Variants in CWF19L2 observed in about 807,000 individuals in gnomAD.
CWF19L2 encodes the protein CWF19-like protein 2.
In CWF19L2, 98 loss-of-function variants were observed where a neutral mutation model predicts 111.7. The ratio of observed to expected loss-of-function variants is 0.88; its 90% CI spans 0.75 to 1.04. The LOEUF is 1.04. CWF19L2 is among the 50% of genes least tolerant of loss of function. The pLI is 0.00. For missense variants in CWF19L2, 1,101 were observed against 1,051.4 expected, an observed-to-expected ratio of 1.05 and a Z score of -0.65; for synonymous variants, 351 against 342.9, an observed-to-expected ratio of 1.02 and a Z score of -0.26.
chr11:107,360,048 AT>A (rs1158947501), intron 12 of CWF19L2, among the ~76,000 whole-genome samples: 1 of 152,212 alleles, frequency 6.6e-6, no homozygotes, highest in East Asian at 1.9e-4. Context: ...CATTTAAAGT[AT>A]TCATCACTCA....
Position 107,416,308 on chromosome 11 carries a change from GA to G in CWF19L2, c.1528-11del. ...GTTGTTCAGCTAATTCCTTCAAAAA[GA>G]AAAACAAGTAAAATATGTGCGATAT... On this transcript the variant is annotated splice_polypyrimidine_tract_variant and intron_variant, in intron 9 of 17. Coordinates refer to ENST00000282251, the MANE Select transcript of CWF19L2 (RefSeq NM_152434.3). 1 of 1,268,448 alleles carries G rather than the reference GA, an allele frequency of 7.9e-7. No individual in the cohort carries two copies. The highest frequency in any genetic ancestry group is 1.1e-6 in the Non-Finnish European group (1 of 929,414). 78.6% of individuals were successfully genotyped at this position (1,268,448 alleles called of 1,614,324 possible). A position where few individuals can be genotyped will look rare whatever the true frequency, so the allele number is the denominator to read the frequency against.
intron 8 of CWF19L2, among the ~76,000 whole-genome samples, chr11:107,420,220 TA>T (rs1861284667): frequency 6.6e-6 from 1 of 151,992 alleles, no homozygotes; most frequent in Non-Finnish European, 1.5e-5. Flanking sequence ...ATACCTAAAT[TA>T]AAAGGCAGAA....
At chr11:107,333,046 A>T (rs943770672) in intron 16 of CWF19L2, among the ~76,000 whole-genome samples, 1 of 150,702 alleles carries the variant, frequency 6.6e-6, no homozygotes, top group African/African-American at 2.4e-5. Context: ...TGAACCTGGG[A>T]GGTGGAGTGA....
At chr11:107,341,074 G>C (rs1859998798) in intron 14 of CWF19L2, among the ~76,000 whole-genome samples, 1 of 152,142 alleles carries the variant, frequency 6.6e-6, no homozygotes, top group African/African-American at 2.4e-5. Context: ...ACAAAGCAAT[G>C]GTCTGCCCTG....
intron 8 of CWF19L2, among the ~76,000 whole-genome samples, chr11:107,427,144 A>G (rs986894154): frequency 1.3e-5 from 2 of 152,040 alleles, no homozygotes; most frequent in South Asian, 4.1e-4. Flanking sequence ...TTATAAGACA[A>G]AGATTATTTG....
chr11:107,361,271 T>C (rs1371558908), intron 12 of CWF19L2, among the ~76,000 whole-genome samples: 1 of 152,222 alleles, frequency 6.6e-6, no homozygotes, highest in Non-Finnish European at 1.5e-5. Context: ...TGTAAATATG[T>C]GGCTTTATTT....
chr11:107,451,992 G>A (rs1565291140), intron 3 of CWF19L2, among the ~76,000 whole-genome samples: 1 of 152,082 alleles, frequency 6.6e-6, no homozygotes, highest in Non-Finnish European at 1.5e-5. Context: ...GTAAAAACCT[G>A]AATGCTTTGC....
chr11:107,371,167 C>T, intron 12 of CWF19L2, among the ~76,000 whole-genome samples: 1 of 134,784 alleles, frequency 7.4e-6, no homozygotes, highest in South Asian at 2.6e-4. Context: ...ACCATGCCGG[C>T]TAATTTTTTG....
In CWF19L2 at chr11:107,361,657, G is replaced by T. The variant is rs561534154; in HGVS notation, c.1873-7921C>A. Among the ~76,000 whole-genome samples, 3 of 152,216 alleles carry T rather than the reference G, an allele frequency of 2.0e-5. No homozygotes were observed. The East Asian group carries it at 5.8e-4, about 29-fold the overall frequency. ...GTGTCATCTACGATTTCTTTCACAG[G>T]TGCTTTATACTTTTCCCTGTAGAGA... On this transcript the variant is annotated intron_variant, in intron 12 of 17. Transcript: ENST00000282251.
At chr11:107,348,354 C>A (rs1860110931) in intron 14 of CWF19L2, among the ~76,000 whole-genome samples, 1 of 152,056 alleles carries the variant, frequency 6.6e-6, no homozygotes, top group Admixed American at 6.6e-5. Context: ...TGAAATAATT[C>A]AGCAACAATT....
intron 15 of CWF19L2, among the ~76,000 whole-genome samples, chr11:107,336,300 C>A (rs1432398709): frequency 6.6e-6 from 1 of 152,034 alleles, no homozygotes; most frequent in African/African-American, 2.4e-5. Context: ...GTGCCCACCA[C>A]CATGCCCAGT....
At chr11:107,383,225 A>C (rs553783845) in intron 12 of CWF19L2, among the ~76,000 whole-genome samples, 9 of 152,186 alleles carry the variant, frequency 5.9e-5, no homozygotes, top group Non-Finnish European at 1.3e-4. Flanking sequence ...CTGGAAGCCC[A>C]GACTTGTGAC....
chr11:107,441,320 C>G (rs1172776050), intron 5 of CWF19L2, among the ~76,000 whole-genome samples, 183 bp downstream of exon 5: 3 of 152,080 alleles, frequency 2.0e-5, no homozygotes, highest in African/African-American at 7.2e-5. Flanking sequence ...AACCTTTAAA[C>G]TCACTTCCTA....
intron 12 of CWF19L2, among the ~76,000 whole-genome samples, chr11:107,363,137 G>C (rs992455947): frequency 3.3e-5 from 5 of 152,096 alleles, no homozygotes; most frequent in Non-Finnish European, 7.4e-5. Flanking sequence ...AGAATAAAAA[G>C]AAATGAGCAA....
At chr11:107,445,945 T>C (rs1346393158) in intron 3 of CWF19L2, among the ~76,000 whole-genome samples, 1 of 152,166 alleles carries the variant, frequency 6.6e-6, no homozygotes, top group East Asian at 1.9e-4. Context: ...TGGGACTTTC[T>C]GGAAGTCAAG....
In CWF19L2 at chr11:107,370,899, A is replaced by G. The variant is rs1158593006; in HGVS notation, c.1873-17163T>C. On this transcript the variant is annotated intron_variant, in intron 12 of 17. Coordinates refer to ENST00000282251, the MANE Select transcript of CWF19L2 (RefSeq NM_152434.3). ...TAATTTAACATTAAACTACTGAGAG[A>G]CATAAGTACCTTTTATCATTTGTCT... Among the ~76,000 whole-genome samples the G allele has an allele frequency of 1.4e-5, 2 of 138,024 alleles. 1 individual carries two copies. Among genetic ancestry groups the G allele is most frequent in the African/African-American group, 5.8e-5 (2 of 34,668 alleles). The allele number at this position is 138,024 out of a possible 152,430, so 90.5% of individuals were successfully genotyped here.
chr11:107,331,199 G>C (rs78711322), intron 16 of CWF19L2, among the ~76,000 whole-genome samples: 1 of 152,244 alleles, frequency 6.6e-6, no homozygotes, highest in African/African-American at 2.4e-5. Context: ...AAGTAAAGGA[G>C]ATAGACAAGG....
intron 13 of CWF19L2, among the ~76,000 whole-genome samples, chr11:107,350,342 T>C (rs1421170122): frequency 2.0e-5 from 3 of 152,142 alleles, no homozygotes; most frequent in African/African-American, 7.2e-5. Context: ...CTCCAAAATA[T>C]ACACATTAAA....
At chr11:107,337,440 T>C (rs1859943910) in intron 14 of CWF19L2, among the ~76,000 whole-genome samples, 1 of 151,560 alleles carries the variant, frequency 6.6e-6, no homozygotes, top group Non-Finnish European at 1.5e-5. Context: ...AAAGGGCAGC[T>C]GTTTGTAGAG....
Sources: gnomAD v4.1 joint callset for allele counts (sites outside exome capture counted in the v4.1 genomes callset) on GRCh38, gnomAD v4.1.1 for gene constraint, MANE v1.5 for transcripts, NCBI Gene and HGNC (gene_info 2026-07-23, HGNC 2026-07-21) for gene names.